The following ALMS1 variants were observed in gnomAD, a reference collection of about 807,000 sequenced individuals.
The protein encoded by ALMS1 is ALMS1 centrosome and basal body associated protein.
In ALMS1, 271 loss-of-function variants were observed where a neutral mutation model predicts 352.2. The observed-to-expected ratio is 0.77, with a 90% confidence interval of 0.70 to 0.85. ALMS1 has a LOEUF of 0.85. Ranked by LOEUF, ALMS1 falls within the 40% of genes least tolerant of loss-of-function variation. The probability of loss-of-function intolerance (pLI) is 0.00; values close to 1 mark genes in which losing one functional copy is unlikely to be tolerated. For synonymous variants in ALMS1, 1,865 were observed against 1,761.2 expected, an observed-to-expected ratio of 1.06 and a Z score of -1.48; for missense variants, 5,445 against 4,870.7, an observed-to-expected ratio of 1.12 and a Z score of -3.51.
chr2:73,385,823 T>G, upstream of ALMS1: 8 of 658,372 alleles, frequency 1.2e-5, no homozygotes, highest in Non-Finnish European at 1.4e-5. Flanking sequence ...TTCCCCTCCC[T>G]CCCCCCCTCC....
intron 9 of ALMS1, among the ~76,000 whole-genome samples, chr2:73,474,121 A>G (rs1382664853): frequency 1.3e-5 from 2 of 152,006 alleles, no homozygotes; most frequent in Non-Finnish European, 2.9e-5. Flanking sequence ...ACTTTCCTTA[A>G]TGAAGTCAGC....
intron 16 of ALMS1, among the ~76,000 whole-genome samples, chr2:73,579,400 G>A (rs578220075): frequency 2.1e-4 from 31 of 145,742 alleles, no homozygotes; most frequent in East Asian, 1.7e-3. Flanking sequence ...TCACTCTGTC[G>A]CCCAGGCTGG....
At position 73,490,481 on chromosome 2, in the gene ALMS1, A is replaced by T; in HGVS notation, c.8522A>T (p.Asn2841Ile). 1 of 1,614,192 alleles carries T rather than the reference A, an allele frequency of 6.2e-7. No individual in the cohort carries two copies. Among genetic ancestry groups the T allele is most frequent in the Non-Finnish European group, 8.5e-7 (1 of 1,180,054 alleles). The change falls in exon 10 of 23, where the codon AAC becomes ATC. Residue 2841 changes from asparagine to isoleucine, a missense_variant. By Grantham distance (149) the Asn-to-Ile change is moderately radical (BLOSUM62 -3). Coordinates refer to ENST00000613296, the MANE Select transcript of ALMS1 (RefSeq NM_001378454.1). ...TTCAAGGAAATTCAGATTTCTGATA[A>T]CCATACCCTTATTAGCATGGGCAGA... ...SNFKEIQISD[N>I]HTLISMGRPS...
intron 13 of ALMS1, among the ~76,000 whole-genome samples, chr2:73,553,829 C>T (rs1036306658): frequency 6.6e-6 from 1 of 151,944 alleles, no homozygotes; most frequent in African/African-American, 2.4e-5. Context: ...ATCCATAGAT[C>T]TTAGTATATA....
intron 1 of ALMS1, among the ~76,000 whole-genome samples, chr2:73,399,456 G>C (rs567587028): frequency 3.3e-5 from 5 of 152,034 alleles, no homozygotes; most frequent in Admixed American, 3.3e-4. Context: ...GGTGAAGTGG[G>C]GGCAGGCGTC....
At chr2:73,395,508 A>G (rs1190728645) in intron 1 of ALMS1, among the ~76,000 whole-genome samples, 1 of 152,116 alleles carries the variant, frequency 6.6e-6, no homozygotes, top group East Asian at 1.9e-4. Flanking sequence ...TCAGAATTGC[A>G]CTTTTTTTCT....
intron 9 of ALMS1, among the ~76,000 whole-genome samples, chr2:73,480,110 T>C (rs1572960407): frequency 1.3e-5 from 2 of 152,134 alleles, no homozygotes; most frequent in Non-Finnish European, 2.9e-5. Context: ...AGTTTTAGGG[T>C]ACATGTGCAC....
In ALMS1 at chr2:73,453,692, A is replaced by C. The variant is rs765016221; in HGVS notation, c.7165A>C (p.Arg2389=). Residue 2389 remains arginine (R), a synonymous_variant, in exon 8 of 23, where the codon AGG becomes CGG. Transcript: ENST00000613296. ...ATATCAAGCAGCCAAATCTGTAATG[A>C]GGTCTGAACCTGAAGGGTGTAGTGG... ...RQYQAAKSVM[R]SEPEGCSGTI... 1.2e-6 allele frequency: 2 copies of C among 1,614,170 alleles called. No homozygotes were observed. Among genetic ancestry groups the C allele is most frequent in the South Asian group, 2.2e-5 (2 of 91,082 alleles).
intron 7 of ALMS1, among the ~76,000 whole-genome samples, chr2:73,440,817 G>A (rs1487366341): frequency 6.6e-6 from 1 of 152,278 alleles, no homozygotes; most frequent in African/African-American, 2.4e-5. Flanking sequence ...ATTATGTTAG[G>A]AGACTTTGAT....
At chr2:73,480,052 CT>C (rs1558662357) in intron 9 of ALMS1, among the ~76,000 whole-genome samples, 2 of 151,502 alleles carry the variant, frequency 1.3e-5, no homozygotes, top group African/African-American at 2.4e-5. Context: ...TGCCCATTTT[CT>C]TTTTTTATTT....
At chr2:73,416,739 G>T (rs185505106) in intron 2 of ALMS1, among the ~76,000 whole-genome samples, 1 of 152,164 alleles carries the variant, frequency 6.6e-6, no homozygotes, top group African/African-American at 2.4e-5. Context: ...GTCTAAAGTT[G>T]CTGTCAATAT....
At chr2:73,477,230 G>A (rs1003872916) in intron 9 of ALMS1, among the ~76,000 whole-genome samples, 18 of 152,050 alleles carry the variant, frequency 1.2e-4, no homozygotes, top group African/African-American at 4.3e-4. Context: ...TTTCAGCACT[G>A]TTGAAAAGAC....
At chr2:73,439,661 C>T (rs1334161554) in intron 7 of ALMS1, among the ~76,000 whole-genome samples, 1 of 152,054 alleles carries the variant, frequency 6.6e-6, no homozygotes, top group African/African-American at 2.4e-5. Flanking sequence ...CTGCCTCAGC[C>T]TCCTGAGTAG....
intron 9 of ALMS1, among the ~76,000 whole-genome samples, chr2:73,479,286 C>T (rs1672646782): frequency 1.3e-5 from 2 of 152,122 alleles, no homozygotes; most frequent in South Asian, 2.1e-4. Flanking sequence ...ACAACCACAA[C>T]GTTGATATTG....
intron 12 of ALMS1, among the ~76,000 whole-genome samples, chr2:73,545,594 C>T (rs1170742878): frequency 6.6e-6 from 1 of 152,014 alleles, no homozygotes; most frequent in African/African-American, 2.4e-5. Flanking sequence ...GTTGAGTATA[C>T]GAAATTAGCA....
chr2:73,475,427 G>A (rs1672562753), intron 9 of ALMS1, among the ~76,000 whole-genome samples: 1 of 152,044 alleles, frequency 6.6e-6, no homozygotes, highest in Admixed American at 6.6e-5. Flanking sequence ...GCCTGGTTGG[G>A]TGTTAAGGGG....
Position 73,608,483 on chromosome 2 carries a change from A to T in ALMS1, c.12371A>T (p.Glu4124Val). Residue 4124 changes from glutamate to valine, a missense_variant, in exon 22 of 23, where the codon GAG (glutamate) becomes GTG (valine). By Grantham distance (121) the Glu-to-Val change is moderately radical. Coordinates refer to ENST00000613296, the MANE Select transcript of ALMS1 (RefSeq NM_001378454.1). ...EMIQRSKRIY[E>V]QLPEVQKKRE... Reference sequence around the variant, plus strand: ...CTGGTGCCATTTCTAAGGATTTATGAGCAGCTTCCAGAAGTACAGAAAAAG... The same window carrying T: ...CTGGTGCCATTTCTAAGGATTTATGTGCAGCTTCCAGAAGTACAGAAAAAG... 6.2e-7 allele frequency: 1 copy of T among 1,613,584 alleles called. No individual in the cohort carries two copies. The highest frequency in any genetic ancestry group is 8.5e-7 in the Non-Finnish European group (1 of 1,179,612).
Position 73,579,071 on chromosome 2 carries a change from A to AT in ALMS1, c.11547+5650dup, listed in dbSNP as rs201327432. Among the ~76,000 whole-genome samples the AT allele has an allele frequency of 1.0e-3, 136 of 130,484 alleles. 6 individuals carry two copies. In the East Asian group the frequency reaches 0.019, roughly 18 times the overall value. The allele number at this position is 130,484 out of a possible 152,430, so 85.6% of individuals were successfully genotyped here. On this transcript the variant is annotated intron_variant, in intron 16 of 22. Transcript: ENST00000613296. Reference sequence around the variant, plus strand: ...TTAATTTCTCCTTTATTCTTTTTTTATTTATTTTTTTTTTTGAGACGGAGT... The same window carrying AT: ...TTAATTTCTCCTTTATTCTTTTTTTATTTTATTTTTTTTTTTGAGACGGAGT...
intron 12 of ALMS1, among the ~76,000 whole-genome samples, chr2:73,541,659 G>A (rs1181685231): frequency 1.3e-5 from 2 of 152,010 alleles, no homozygotes; most frequent in East Asian, 3.9e-4. Context: ...GAATCAAATA[G>A]ACGCAATAAA....
Sources: gnomAD v4.1 joint callset for allele counts (sites outside exome capture counted in the v4.1 genomes callset) on GRCh38, gnomAD v4.1.1 for gene constraint, MANE v1.5 for transcripts, NCBI Gene and HGNC (gene_info 2026-07-23, HGNC 2026-07-21) for gene names.